CRHR2: variants seen among roughly 807,000 people sequenced by gnomAD.
CRHR2 encodes the protein corticotropin releasing hormone receptor 2, also known as corticotropin-releasing hormone receptor 2.
In CRHR2, 53 loss-of-function variants were observed where a neutral mutation model predicts 57.9. The observed-to-expected ratio is 0.92, with a 90% CI of 0.73 to 1.15. The LOEUF (loss-of-function observed/expected upper bound fraction) is 1.15, where lower values mean the gene tolerates loss of function less well. CRHR2 is among the 50% of genes most tolerant of loss of function. The pLI, the probability that CRHR2 is intolerant of heterozygous loss-of-function variation, is 0.00. For synonymous variants in CRHR2, 213 were observed against 220.9 expected (o/e 0.96, Z 0.32); for missense variants, 532 against 542.6 (o/e 0.98, Z 0.19).
At chr7:30,677,589 C>A (rs368118309) in intron 2 of CRHR2, among the ~76,000 whole-genome samples, 2 of 152,204 alleles carry the variant, frequency 1.3e-5, no homozygotes, top group African/African-American at 4.8e-5. Flanking sequence ...GCTACCTCCC[C>A]GCCTAGAGCT....
chr7:30,654,602 G>T, intron 11 of CRHR2: 1 of 1,366,410 alleles, frequency 7.3e-7, no homozygotes, highest in East Asian at 2.5e-5. Context: ...ACGGCCGCCT[G>T]ACTCCCCAGA....
In CRHR2 at chr7:30,662,188, C is replaced by T. The variant is rs747515062; in HGVS notation, c.726G>A (p.Trp242Ter). 1.9e-6 allele frequency: 3 copies of T among 1,613,984 alleles called. No individual in the cohort carries two copies. Among genetic ancestry groups the T allele is most frequent in the African/African-American group, 2.7e-5 (2 of 74,880 alleles). Residue 242 changes from tryptophan (W) to a stop codon, truncating the protein, a stop_gained, in exon 7 of 12, where the codon TGG becomes TGA. Transcript: ENST00000471646. LOFTEE classifies it high-confidence loss of function. ...WCIPFPIIVAWAIGKLYYENE... is the reference protein window; with the variant it reads ...WCIPFPIIVA Reference sequence around the variant, plus strand: ...TCTCATAGTAGAGCTTGCCGATGGCCCAGGCGACGATGATGGGGAAGGGGA... The same window carrying T: ...TCTCATAGTAGAGCTTGCCGATGGCTCAGGCGACGATGATGGGGAAGGGGA...
chr7:30,663,735 C>G (rs1359005353), intron 5 of CRHR2, among the ~76,000 whole-genome samples: 1 of 152,230 alleles, frequency 6.6e-6, no homozygotes, highest in African/African-American at 2.4e-5. Flanking sequence ...CAGGCCAGAG[C>G]TCCTCTCAAC....
chr7:30,665,448 G>T lies in CRHR2; in HGVS notation c.425+82C>A. On this transcript the variant is annotated intron_variant, in intron 4 of 11. Coordinates refer to ENST00000471646, the MANE Select transcript of CRHR2 (RefSeq NM_001883.5). The surrounding 1 kb of genome is among the most constrained non-coding windows in gnomAD (Gnocchi z 4.5). ...CTTTTATCTGCTGGGCCCCAGAATG[G>T]AGGTGAGAATGTCTGGGAGAGGTGA... 1 of 1,224,096 alleles carries T rather than the reference G, an allele frequency of 8.2e-7. No individual in the cohort carries two copies. Among genetic ancestry groups the T allele is most frequent in the Non-Finnish European group, 1.2e-6 (1 of 858,464 alleles). 75.8% of individuals were successfully genotyped at this position (1,224,096 alleles called of 1,614,324 possible). A position where few individuals can be genotyped will look rare whatever the true frequency, so the allele number is the denominator to read the frequency against.
intron 1 of CRHR2, among the ~76,000 whole-genome samples, chr7:30,698,544 G>GC (rs1470635080): frequency 6.6e-6 from 1 of 152,206 alleles, no homozygotes; most frequent in East Asian, 1.9e-4. Flanking sequence ...TGGATGGTGA[G>GC]CCCCCTGTAC....
intron 2 of CRHR2, among the ~76,000 whole-genome samples, chr7:30,671,893 G>GA (rs1784373445): frequency 6.6e-6 from 1 of 151,144 alleles, no homozygotes; most frequent in African/African-American, 2.5e-5. Context: ...GGAGGAGGAG[G>GA]AGAAGAAGAA....
intron 1 of CRHR2, among the ~76,000 whole-genome samples, chr7:30,691,571 A>C (rs1279279791): frequency 6.6e-6 from 1 of 152,184 alleles, no homozygotes; most frequent in East Asian, 1.9e-4. Context: ...CTTCTGGCTG[A>C]GCAAGCACTT....
At chr7:30,689,503 C>T (rs1456884582) in intron 1 of CRHR2, among the ~76,000 whole-genome samples, 1 of 152,056 alleles carries the variant, frequency 6.6e-6, no homozygotes, top group Non-Finnish European at 1.5e-5. Context: ...GTGTTGCCTC[C>T]TAGGCAGGGG....
intron 7 of CRHR2, among the ~76,000 whole-genome samples, chr7:30,660,853 CCCCAG>C: frequency 6.6e-6 from 1 of 152,364 alleles, no homozygotes; most frequent in South Asian, 2.1e-4. Context: ...GGTCTGATCT[CCCCAG>C]CCCGACTGAG....
At chr7:30,659,890 G>A (rs62446869) in intron 8 of CRHR2, among the ~76,000 whole-genome samples, 10 of 152,152 alleles carry the variant, frequency 6.6e-5, no homozygotes, top group Non-Finnish European at 1.3e-4. Context: ...TAAGTCTTAC[G>A]TAAATGCCAA....
At position 30,689,558 on chromosome 7, in the gene CRHR2, G is replaced by C. The variant is rs373427348; in HGVS notation, c.-260-274C>G. 9.4e-5 allele frequency among the ~76,000 whole-genome samples: 14 copies of C among 149,498 alleles called. No individual in the cohort carries two copies. The East Asian group carries it at 2.6e-3, about 28-fold the overall frequency. ...AGCCCCCAAGGCTGTCTCCTCCTCA[G>C]GCTGGGATGTGTCACTGTCATGGGG... On this transcript the variant is annotated intron_variant, in intron 1 of 13. Coordinates refer to the CRHR2 transcript ENST00000341843.
At chr7:30,661,928 C>A (rs1262544374) in intron 7 of CRHR2, among the ~76,000 whole-genome samples, 2 of 152,204 alleles carry the variant, frequency 1.3e-5, no homozygotes, top group Non-Finnish European at 2.9e-5. Context: ...GGGGGCACTT[C>A]AAGGAACCAC....
intron 2 of CRHR2, among the ~76,000 whole-genome samples, chr7:30,677,354 G>A (rs559429887): frequency 6.6e-6 from 1 of 152,256 alleles, no homozygotes; most frequent in East Asian, 1.9e-4. Context: ...GCTCAGAGGA[G>A]TCCGTGTGGA....
At position 30,653,665 on chromosome 7, in the gene CRHR2, C is replaced by T. The variant is rs188297269; in HGVS notation, c.1096-65G>A. 284 of 1,521,186 alleles carry T rather than the reference C, an allele frequency of 1.9e-4. 4 individuals carry two copies. The East Asian group carries it at 6.4e-3, about 35-fold the overall frequency. 94.2% of individuals were successfully genotyped at this position (1,521,186 alleles called of 1,614,324 possible). ...AACCCTGGGCTTCTGGGACCATCCCCTCCTCTGCTTTCTGCTCTCATGGGT... is the reference window on the plus strand; with the variant it reads ...AACCCTGGGCTTCTGGGACCATCCCTTCCTCTGCTTTCTGCTCTCATGGGT... On this transcript the variant is annotated intron_variant, in intron 11 of 11. Coordinates refer to ENST00000471646, the MANE Select transcript of CRHR2 (RefSeq NM_001883.5). This position sits in a 1 kb window ranked among gnomAD's most constrained non-coding sequence, Gnocchi z 5.0.
chr7:30,688,434 G>C (rs1230482041), intron 2 of CRHR2, among the ~76,000 whole-genome samples: 3 of 152,226 alleles, frequency 2.0e-5, no homozygotes, highest in Non-Finnish European at 4.4e-5. Flanking sequence ...CTAGGATCCA[G>C]ACTTGGATCT....
At chr7:30,689,383 C>G in intron 1 of CRHR2, 1 of 967,748 alleles carries the variant, frequency 1.0e-6, no homozygotes, top group Non-Finnish European at 1.6e-6. Context: ...TCCCTTACTC[C>G]TCTTAGTACA....
intron 2 of CRHR2, among the ~76,000 whole-genome samples, chr7:30,687,778 C>T (rs1471331381): frequency 6.6e-6 from 1 of 152,144 alleles, no homozygotes; most frequent in Non-Finnish European, 1.5e-5. Context: ...CAGAGGAAGG[C>T]AGGGAGAAGG....
At position 30,660,572 on chromosome 7, in the gene CRHR2, C is replaced by T; in HGVS notation, c.831+1G>A. The T allele has an allele frequency of 1.3e-6, 2 of 1,560,994 alleles. No individual in the cohort carries two copies. The highest frequency in any genetic ancestry group is 1.7e-6 in the Non-Finnish European group (2 of 1,152,308). Reference sequence around the variant, plus strand: ...CATCCCAGCCACCGCTGAGGGCTTACCAGGAGCACGAGAATGATGGGGCCT... The same window carrying T: ...CATCCCAGCCACCGCTGAGGGCTTATCAGGAGCACGAGAATGATGGGGCCT... On this transcript the variant is annotated splice_donor_variant, in intron 8 of 11. Coordinates refer to ENST00000471646, the MANE Select transcript of CRHR2 (RefSeq NM_001883.5). LOFTEE classifies it high-confidence loss of function.
At chr7:30,659,874 C>G (rs1778486636) in intron 8 of CRHR2, among the ~76,000 whole-genome samples, 1 of 152,200 alleles carries the variant, frequency 6.6e-6, no homozygotes, top group South Asian at 2.1e-4. Flanking sequence ...ATTACTGAGC[C>G]TGAAATAAGT....
Sources: allele counts gnomAD v4.1 joint callset (sites outside exome capture counted in the v4.1 genomes callset), GRCh38; gene constraint gnomAD v4.1.1; non-coding constraint Gnocchi (gnomAD v3.1); transcripts MANE v1.5; gene names NCBI Gene and HGNC (gene_info 2026-07-23, HGNC 2026-07-21).